GRM8: variants seen among roughly 807,000 people sequenced by gnomAD.
The protein encoded by GRM8 is metabotropic glutamate receptor 8.
Under a neutral mutation model 87.2 loss-of-function variants are expected in GRM8, and 47 were observed. The observed-to-expected ratio is 0.54, with a 90% confidence interval of 0.43 to 0.69. The LOEUF (loss-of-function observed/expected upper bound fraction) is 0.69, where lower values mean the gene tolerates loss of function less well. Ranked by LOEUF, GRM8 falls within the 30% of genes least tolerant of loss-of-function variation. The probability of loss-of-function intolerance (pLI) is 0.00; values close to 1 mark genes in which losing one functional copy is unlikely to be tolerated. For missense variants in GRM8, 1,019 were observed against 1,139.2 expected, an observed-to-expected ratio of 0.89 and a Z score of 1.52; for synonymous variants, 396 against 404.5, an observed-to-expected ratio of 0.98 and a Z score of 0.25.
At chr7:127,152,948 C>T (rs1396369488) in intron 2 of GRM8, among the ~76,000 whole-genome samples, 1 of 152,118 alleles carries the variant, frequency 6.6e-6, no homozygotes, top group Non-Finnish European at 1.5e-5. Flanking sequence ...ATTAGTCAAT[C>T]TTATTTGCAT....
rs547779713 is a variant in GRM8, at chr7:126,525,857, A to G, written c.2430+7095T>C. ...ACATACATGTGTCTTTGTGCCAGCCATTATCTTGAACCAGAAACCAGATTA... is the reference window on the plus strand; with the variant it reads ...ACATACATGTGTCTTTGTGCCAGCCGTTATCTTGAACCAGAAACCAGATTA... On this transcript the variant is annotated intron_variant, in intron 9 of 10. Coordinates refer to ENST00000339582, the MANE Select transcript of GRM8 (RefSeq NM_000845.3). Among the ~76,000 whole-genome samples, 260 of 152,212 alleles carry G rather than the reference A, an allele frequency of 1.7e-3. 2 individuals are homozygous for G. Among genetic ancestry groups the G allele is most frequent in the African/African-American group, 6.1e-3 (254 of 41,540 alleles).
chr7:126,482,053 T>G (rs1806749717), intron 9 of GRM8, among the ~76,000 whole-genome samples: 2 of 152,030 alleles, frequency 1.3e-5, no homozygotes, highest in African/African-American at 2.4e-5. Context: ...GCATATAAAA[T>G]GATGCACAGC....
chr7:126,769,564 TA>T (rs1356094213), intron 7 of GRM8, among the ~76,000 whole-genome samples: 3 of 152,140 alleles, frequency 2.0e-5, no homozygotes, highest in African/African-American at 7.2e-5. Context: ...CAAAGAAATC[TA>T]ATGTCAATGG....
chr7:126,715,577 T>G (rs909667481), intron 7 of GRM8, among the ~76,000 whole-genome samples: 2 of 152,186 alleles, frequency 1.3e-5, no homozygotes, highest in Non-Finnish European at 2.9e-5. Context: ...TTTTTGCTAC[T>G]TCTAAGCTAC....
intron 9 of GRM8, among the ~76,000 whole-genome samples, chr7:126,497,443 A>C (rs1234279319): frequency 6.6e-6 from 1 of 151,940 alleles, no homozygotes; most frequent in Non-Finnish European, 1.5e-5. Context: ...TTTAAGCTGC[A>C]ACTGCCTGAA....
At chr7:126,581,179 A>G (rs1383581675) in intron 8 of GRM8, among the ~76,000 whole-genome samples, 1 of 152,092 alleles carries the variant, frequency 6.6e-6, no homozygotes, top group Non-Finnish European at 1.5e-5. Flanking sequence ...AATAAAAAAT[A>G]AAAACATTGT....
intron 7 of GRM8, among the ~76,000 whole-genome samples, chr7:126,684,411 G>A (rs1807947053): frequency 6.6e-6 from 1 of 152,150 alleles, no homozygotes; most frequent in Non-Finnish European, 1.5e-5. Context: ...ACACTTTGAT[G>A]GACCAAATTT....
At chr7:126,579,739 A>C (rs2151008247) in intron 8 of GRM8, among the ~76,000 whole-genome samples, 1 of 152,292 alleles carries the variant, frequency 6.6e-6, no homozygotes, top group East Asian at 1.9e-4. Flanking sequence ...TGTCTTCTAA[A>C]TTTGTCCACT....
intron 3 of GRM8, among the ~76,000 whole-genome samples, chr7:127,086,078 A>G (rs556414717): frequency 4.6e-5 from 7 of 152,236 alleles, no homozygotes; most frequent in South Asian, 2.1e-4. Context: ...CAGAGGAAGC[A>G]AAGTTTTTGG....
chr7:127,112,269 C>T (rs1472084375), intron 2 of GRM8: 3 of 152,352 alleles, frequency 2.0e-5, no homozygotes, highest in African/African-American at 7.2e-5. Context: ...CTTTCTCATC[C>T]TTCAGCCTCA....
chr7:127,104,069 T>A (rs1226009707), intron 3 of GRM8, among the ~76,000 whole-genome samples: 1 of 152,220 alleles, frequency 6.6e-6, no homozygotes, highest in African/African-American at 2.4e-5. Flanking sequence ...TCCATTATGA[T>A]CTGCTTGAGT....
chr7:126,923,780 T>C (rs1478113543), intron 3 of GRM8, among the ~76,000 whole-genome samples: 1 of 152,138 alleles, frequency 6.6e-6, no homozygotes, highest in Non-Finnish European at 1.5e-5. Context: ...GTATGAAATA[T>C]ATCAGTGGCT....
intron 3 of GRM8, among the ~76,000 whole-genome samples, chr7:126,923,492 TATA>T (rs1267800231): frequency 2.1e-4 from 32 of 152,316 alleles, no homozygotes; most frequent in African/African-American, 7.2e-4. Flanking sequence ...TTGTTTGCAA[TATA>T]ATATTATCTT....
intron 7 of GRM8, among the ~76,000 whole-genome samples, chr7:126,633,877 CCA>C (rs1206887095): frequency 6.6e-6 from 1 of 151,440 alleles, no homozygotes; most frequent in African/African-American, 2.4e-5. Context: ...ATAATTAATT[CCA>C]TTTAGTTTTA....
Position 126,946,471 on chromosome 7 carries a change from T to C in GRM8, c.728-41788A>G, listed in dbSNP as rs553240417. Among the ~76,000 whole-genome samples, 13 of 152,216 alleles carry C rather than the reference T, an allele frequency of 8.5e-5. 1 individual carries two copies. In the South Asian group the frequency reaches 2.7e-3, roughly 32 times the overall value. On this transcript the variant is annotated intron_variant, in intron 3 of 10. Coordinates refer to ENST00000339582, the MANE Select transcript of GRM8 (RefSeq NM_000845.3). Reference sequence around the variant, plus strand: ...AGCCTGAGCTGTGTGCCACTGTACTTCAGCCTGGGTGACAGAGTAAAACTC... The same window carrying C: ...AGCCTGAGCTGTGTGCCACTGTACTCCAGCCTGGGTGACAGAGTAAAACTC...
intron 2 of GRM8, among the ~76,000 whole-genome samples, chr7:127,110,258 G>A (rs559018951): frequency 3.3e-5 from 5 of 152,260 alleles, no homozygotes; most frequent in Non-Finnish European, 5.9e-5. Flanking sequence ...GGGTGTGCCA[G>A]AAGCCTGATG....
intron 7 of GRM8, among the ~76,000 whole-genome samples, chr7:126,724,047 G>T (rs969469428): frequency 3.3e-5 from 5 of 152,072 alleles, no homozygotes; most frequent in African/African-American, 1.2e-4. Context: ...TCTGTGTGAG[G>T]TGATTAAGTG....
intron 3 of GRM8, among the ~76,000 whole-genome samples, chr7:126,995,399 T>C (rs1179785776): frequency 6.6e-6 from 1 of 152,222 alleles, no homozygotes; most frequent in Non-Finnish European, 1.5e-5. Context: ...AACAGAGATA[T>C]GTGGCCTTTC....
At chr7:127,105,424 A>T (rs1825714495) in intron 3 of GRM8, 1 of 152,220 alleles carries the variant, frequency 6.6e-6, no homozygotes, top group Admixed American at 6.5e-5. Context: ...ATTGTGTATT[A>T]TAATTTTTCT....
Sources: allele counts gnomAD v4.1 joint callset (sites outside exome capture counted in the v4.1 genomes callset), GRCh38; gene constraint gnomAD v4.1.1; transcripts MANE v1.5; gene names NCBI Gene and HGNC (gene_info 2026-07-23, HGNC 2026-07-21).